GTPBP10: variants seen among roughly 807,000 people sequenced by gnomAD.
The protein encoded by GTPBP10 is GTP binding protein 10, also known as GTP-binding protein 10.
GTPBP10 carries 38 observed loss-of-function variants against 44.8 expected under a neutral mutation model. That is an observed-to-expected ratio of 0.85 (90% CI 0.65 to 1.11). The LOEUF (loss-of-function observed/expected upper bound fraction) is 1.11. Among genes scored for constraint, GTPBP10 ranks in the 50% most tolerant of loss-of-function variants. GTPBP10 has a pLI of 0.00. For missense variants in GTPBP10, 462 were observed against 453.7 expected, an observed-to-expected ratio of 1.02 and a Z score of -0.17; for synonymous variants, 152 against 150.6, an observed-to-expected ratio of 1.01 and a Z score of -0.07.
chr7:90,365,786 A>G (rs1314310647), intron 4 of GTPBP10, among the ~76,000 whole-genome samples: 10 of 152,220 alleles, frequency 6.6e-5, no homozygotes, highest in Admixed American at 6.5e-4. Flanking sequence ...CCCTGGCCAA[A>G]ACTTCCAACA....
chr7:90,361,967 A>G (rs891084310), intron 4 of GTPBP10, among the ~76,000 whole-genome samples: 19 of 152,182 alleles, frequency 1.2e-4, no homozygotes, highest in Non-Finnish European at 2.6e-4. Context: ...CTGTGGGATC[A>G]GTGGTGATAT....
intron 5 of GTPBP10, among the ~76,000 whole-genome samples, chr7:90,373,298 G>A (rs576422876): frequency 6.6e-6 from 1 of 152,144 alleles, no homozygotes; most frequent in African/African-American, 2.4e-5. Flanking sequence ...AGAGATCTCG[G>A]CCTGTAATGT....
intron 8 of GTPBP10, among the ~76,000 whole-genome samples, chr7:90,379,962 T>C (rs1220638683): frequency 6.6e-6 from 1 of 152,196 alleles, no homozygotes; most frequent in Non-Finnish European, 1.5e-5. Flanking sequence ...GGCATTTCTG[T>C]GTCTTTGGAG....
chr7:90,381,570 T>C (rs1275157850), intron 8 of GTPBP10, among the ~76,000 whole-genome samples: 1 of 152,214 alleles, frequency 6.6e-6, no homozygotes, highest in East Asian at 1.9e-4. Flanking sequence ...TCTTAAAATT[T>C]GTATGGAACA....
Position 90,383,024 on chromosome 7 carries a change from G to C in GTPBP10, c.846G>C (p.Leu282Phe), listed in dbSNP as rs1426358233. 1 of 1,597,942 alleles carries C rather than the reference G, an allele frequency of 6.3e-7. No homozygotes were observed. The highest frequency in any genetic ancestry group is 1.1e-5 in the South Asian group (1 of 87,940). ...TCTTGGCAGTTAATAAAATGGACTT[G>C]CCAGATGCCCAAGATAAGTTCCATG... ...PALLAVNKMD[L>F]PDAQDKFHEL... The change falls in exon 9 of 10, where the codon TTG becomes TTC. Residue 282 changes from leucine (L) to phenylalanine (F), a missense_variant. Transcript: ENST00000222511.
chr7:90,360,456 G>A (rs1314564192), intron 4 of GTPBP10, among the ~76,000 whole-genome samples: 1 of 152,128 alleles, frequency 6.6e-6, no homozygotes, highest in Non-Finnish European at 1.5e-5. Flanking sequence ...TTGAAGATGT[G>A]TGTTATTATT....
chr7:90,367,170 G>T (rs908352297), intron 4 of GTPBP10, among the ~76,000 whole-genome samples: 1 of 152,106 alleles, frequency 6.6e-6, no homozygotes, highest in Non-Finnish European at 1.5e-5. Flanking sequence ...TGTGTTTTCT[G>T]TTCTTTTGCA....
chr7:90,364,868 C>T (rs768056879), intron 4 of GTPBP10, among the ~76,000 whole-genome samples: 2 of 152,164 alleles, frequency 1.3e-5, no homozygotes, highest in African/African-American at 4.8e-5. Context: ...CCTTGCAGTT[C>T]GATCTCAGAC....
chr7:90,348,504 A>G (rs964775232), intron 1 of GTPBP10, among the ~76,000 whole-genome samples: 1 of 152,160 alleles, frequency 6.6e-6, no homozygotes, highest in South Asian at 2.1e-4. Context: ...AAGAAGGGAA[A>G]ATATATTTAC....
chr7:90,357,384 T>C (rs1325716388), intron 4 of GTPBP10, among the ~76,000 whole-genome samples: 1 of 152,154 alleles, frequency 6.6e-6, no homozygotes, highest in Admixed American at 6.5e-5. Flanking sequence ...TTTCAAAAGC[T>C]ATAAGAACCT....
chr7:90,361,329 G>C (rs937617915), intron 4 of GTPBP10, among the ~76,000 whole-genome samples: 3 of 152,132 alleles, frequency 2.0e-5, no homozygotes, highest in African/African-American at 7.2e-5. Context: ...AATTTATTGA[G>C]TTTTTAGCAT....
intron 4 of GTPBP10, among the ~76,000 whole-genome samples, chr7:90,368,987 G>A (rs1439083474): frequency 1.3e-5 from 2 of 152,154 alleles, no homozygotes; most frequent in African/African-American, 4.8e-5. Context: ...GTGTGCATGT[G>A]CTTTTTGTTG....
rs376625877 is a variant in GTPBP10, at chr7:90,383,125, A to G, written c.901+46A>G. ...AATTCTAATTTAAAGAATAATTACA[A>G]TGTACAGAGAATGCTGTTATAATCA... On this transcript the variant is annotated intron_variant, in intron 9 of 9. Transcript: ENST00000222511. The G allele has an allele frequency of 1.5e-4, 210 of 1,381,742 alleles. No homozygotes were observed. The African/African-American group carries it at 2.0e-3, about 13-fold the overall frequency. 85.6% of individuals were successfully genotyped at this position (1,381,742 alleles called of 1,614,324 possible).
chr7:90,361,452 T>C (rs1796019674), intron 4 of GTPBP10, among the ~76,000 whole-genome samples: 2 of 152,250 alleles, frequency 1.3e-5, no homozygotes, highest in Non-Finnish European at 2.9e-5. Flanking sequence ...TTTGCGTATG[T>C]TGAACCAGCC....
At chr7:90,365,677 G>C (rs2115690034) in intron 4 of GTPBP10, among the ~76,000 whole-genome samples, 1 of 152,232 alleles carries the variant, frequency 6.6e-6, no homozygotes, top group African/African-American at 2.4e-5. Flanking sequence ...CGCCCGGCCG[G>C]GGTTTTCTAA....
chr7:90,382,323 G>A (rs545651518), intron 8 of GTPBP10, among the ~76,000 whole-genome samples: 35 of 152,118 alleles, frequency 2.3e-4, no homozygotes, highest in African/African-American at 8.4e-4. Context: ...TCGTTATGTT[G>A]TCAAGGCTTG....
At chr7:90,365,216 T>C (rs1032972547) in intron 4 of GTPBP10, among the ~76,000 whole-genome samples, 24 of 152,278 alleles carry the variant, frequency 1.6e-4, no homozygotes, top group Non-Finnish European at 1.6e-4. Flanking sequence ...ATCTTCTGCA[T>C]CGCTCGCACT....
Position 90,389,115 on chromosome 7 carries a change from T to C in GTPBP10, c.*3961T>C, listed in dbSNP as rs1407584021. 2.0e-5 allele frequency: 3 copies of C among 152,224 alleles called. No homozygotes were observed. The highest frequency in any genetic ancestry group is 4.4e-5 in the Non-Finnish European group (3 of 68,034). 9.4% of individuals were successfully genotyped at this position (152,224 alleles called of 1,614,324 possible). On this transcript the variant is annotated 3_prime_UTR_variant, in exon 10 of 10. Coordinates refer to ENST00000222511, the MANE Select transcript of GTPBP10 (RefSeq NM_033107.4). ...TTAATGCATATCTTTAAATCCTTAA[T>C]AGTATCTCAAATCTGGTTTAAATCT...
rs142478494 is a variant in GTPBP10, at chr7:90,366,693, C to T, written c.465-5462C>T. Among the ~76,000 whole-genome samples, 300 of 147,556 alleles carry T rather than the reference C, an allele frequency of 2.0e-3. 1 individual carries two copies. Among genetic ancestry groups the T allele is most frequent in the Non-Finnish European group, 3.2e-3 (213 of 67,174 alleles). ...ATTTCTTCTTTATTGGTTTTGCTAGCGGTCTATTTATATTGTAGATTCTTT... is the reference window on the plus strand; with the variant it reads ...ATTTCTTCTTTATTGGTTTTGCTAGTGGTCTATTTATATTGTAGATTCTTT... On this transcript the variant is annotated intron_variant, in intron 4 of 9. Coordinates refer to ENST00000222511, the MANE Select transcript of GTPBP10 (RefSeq NM_033107.4).
Sources: allele counts gnomAD v4.1 joint callset (sites outside exome capture counted in the v4.1 genomes callset), GRCh38; gene constraint gnomAD v4.1.1; transcripts MANE v1.5; gene names NCBI Gene and HGNC (gene_info 2026-07-23, HGNC 2026-07-21).